Variants in ELOVL5 observed in about 807,000 individuals in gnomAD.
ELOVL5 encodes the protein very long chain fatty acid elongase 5.
In ELOVL5, 8 loss-of-function variants were observed where a neutral mutation model predicts 38.6. The observed-to-expected ratio is 0.21, with a 90% CI of 0.12 to 0.37. The LOEUF (loss-of-function observed/expected upper bound fraction) is 0.37. ELOVL5 is among the 10% of genes least tolerant of loss of function. The pLI is 1.00. For synonymous variants in ELOVL5, 127 were observed against 133.7 expected, an observed-to-expected ratio of 0.95 and a Z score of 0.34; for missense variants, 280 against 367.8, an observed-to-expected ratio of 0.76 and a Z score of 1.95.
intron 3 of ELOVL5, among the ~76,000 whole-genome samples, chr6:53,281,073 T>C (rs915093748): frequency 1.3e-5 from 2 of 152,128 alleles, no homozygotes; most frequent in African/African-American, 4.8e-5. Flanking sequence ...GAAAACATCA[T>C]CTTGGGTGGC....
chr6:53,330,689 T>C (rs897099718), intron 1 of ELOVL5, among the ~76,000 whole-genome samples: 2 of 152,048 alleles, frequency 1.3e-5, no homozygotes, highest in African/African-American at 4.8e-5. Context: ...TCATGAGTTT[T>C]ACAGACTTTT....
chr6:53,328,208 T>C (rs6458918), intron 1 of ELOVL5, among the ~76,000 whole-genome samples: 55,284 of 152,060 alleles, frequency 0.36, 11,164 homozygotes, highest in African/African-American at 0.55. Flanking sequence ...TAAACTGAAA[T>C]GAAAAACTAA....
intron 1 of ELOVL5, among the ~76,000 whole-genome samples, chr6:53,322,616 A>G (rs1160082517): frequency 1.3e-5 from 2 of 152,190 alleles, no homozygotes; most frequent in African/African-American, 4.8e-5. Flanking sequence ...ACAGCATAAA[A>G]CACAACAGCT....
rs1473112169 is a variant in ELOVL5 at position 53,348,796 on chromosome 6, TC to T, written c.-9+20del. The T allele has an allele frequency of 2.2e-6, 1 of 454,058 alleles. No homozygotes were observed. Among genetic ancestry groups the T allele is most frequent in the Non-Finnish European group, 4.4e-6 (1 of 226,200 alleles). The allele number at this position is 454,058 out of a possible 1,614,324, so 28.1% of individuals were successfully genotyped here. On this transcript the variant is annotated intron_variant, in intron 1 of 7. Coordinates refer to ENST00000304434, the MANE Select transcript of ELOVL5 (RefSeq NM_021814.5). ...CCGAGCGGCGGCCCCCGACGAAGTT[TC>T]CCGGAGCTGACGGCTTTACCTTTTA... is the stretch of plus-strand genomic sequence containing the variant.
intron 1 of ELOVL5, among the ~76,000 whole-genome samples, chr6:53,333,946 T>C (rs773763236): frequency 2.6e-5 from 4 of 152,176 alleles, no homozygotes; most frequent in Non-Finnish European, 5.9e-5. Context: ...TGATACCACG[T>C]TGCCTGTCTA....
At chr6:53,312,160 A>G (rs1051930720) in intron 1 of ELOVL5, among the ~76,000 whole-genome samples, 11 of 152,222 alleles carry the variant, frequency 7.2e-5, no homozygotes, top group African/African-American at 2.7e-4. Context: ...TAGGAATATA[A>G]TTAAATATCA....
intron 3 of ELOVL5, among the ~76,000 whole-genome samples, chr6:53,281,509 G>A (rs968303145): frequency 2.6e-5 from 4 of 152,170 alleles, no homozygotes; most frequent in Admixed American, 1.3e-4. Context: ...GCAGTTCCAA[G>A]CATCTTTGCC....
chr6:53,341,210 G>A (rs886530154), intron 1 of ELOVL5, among the ~76,000 whole-genome samples: 1 of 152,214 alleles, frequency 6.6e-6, no homozygotes, highest in African/African-American at 2.4e-5. Context: ...ACCCTTTCAA[G>A]TATTGATCAT....
intron 1 of ELOVL5, among the ~76,000 whole-genome samples, chr6:53,310,124 C>G (rs1767769474): frequency 6.6e-6 from 1 of 152,130 alleles, no homozygotes; most frequent in African/African-American, 2.4e-5. Context: ...AATTAAGGCA[C>G]CAATTACAAG....
chr6:53,279,427 G>T (rs1043408031), intron 3 of ELOVL5, among the ~76,000 whole-genome samples: 12 of 152,182 alleles, frequency 7.9e-5, no homozygotes, highest in Non-Finnish European at 1.3e-4. Flanking sequence ...GCAGTGACCT[G>T]TAGCTGTTTG....
At chr6:53,328,813 C>T (rs547586800) in intron 1 of ELOVL5, among the ~76,000 whole-genome samples, 2 of 152,226 alleles carry the variant, frequency 1.3e-5, no homozygotes, top group Admixed American at 1.3e-4. Flanking sequence ...TACACTGAGA[C>T]CTTAATCTCT....
intron 1 of ELOVL5, among the ~76,000 whole-genome samples, chr6:53,335,460 T>A (rs1452093041): frequency 1.3e-5 from 2 of 152,166 alleles, no homozygotes; most frequent in African/African-American, 4.8e-5. Flanking sequence ...TCCAGAGAGA[T>A]TCTTGCTTAG....
intron 1 of ELOVL5, among the ~76,000 whole-genome samples, chr6:53,324,936 A>AT (rs1768472130): frequency 6.6e-6 from 1 of 152,226 alleles, no homozygotes; most frequent in Non-Finnish European, 1.5e-5. Context: ...TATTGCATAA[A>AT]TAAGTACCCC....
chr6:53,347,820 C>CGT (rs2127597142), intron 1 of ELOVL5, among the ~76,000 whole-genome samples: 1 of 152,152 alleles, frequency 6.6e-6, no homozygotes, highest in African/African-American at 2.4e-5. Flanking sequence ...GTGGATGGGG[C>CGT]GGGGGGAACC....
intron 1 of ELOVL5, among the ~76,000 whole-genome samples, chr6:53,305,383 C>A (rs1311280718): frequency 9.0e-5 from 13 of 143,868 alleles, no homozygotes; most frequent in South Asian, 2.2e-4. Context: ...GGGGCTGACC[C>A]CCCCCCACCT....
chr6:53,291,841 A>G lies in ELOVL5; in HGVS notation c.181T>C (p.Cys61Arg). 2 of 1,614,098 alleles carry G rather than the reference A, an allele frequency of 1.2e-6. No individual in the cohort carries two copies. The highest frequency in any genetic ancestry group is 1.7e-6 in the Non-Finnish European group (2 of 1,179,964). ...TTATACACCACTAAAATCCCCCGGCAAGAGAATGGCTGTTTATTCCTCATG... is the reference window on the plus strand; with the variant it reads ...TTATACACCACTAAAATCCCCCGGCGAGAGAATGGCTGTTTATTCCTCATG... ...KYMRNKQPFS[C>R]RGILVVYNLG... Residue 61 changes from cysteine (C) to arginine (R), a missense_variant, in exon 3 of 8, where the codon TGC becomes CGC. Around this residue, in one of 3 missense-constraint regions of ELOVL5, gnomAD observed 150 missense variants for 178.0 expected, o/e 0.84. Transcript: ENST00000304434.
intron 1 of ELOVL5, among the ~76,000 whole-genome samples, chr6:53,302,603 GC>G (rs1485555878): frequency 6.6e-6 from 1 of 151,612 alleles, no homozygotes; most frequent in Admixed American, 6.7e-5. Context: ...GGATCTTAAG[GC>G]AAATCTGTTT....
intron 2 of ELOVL5, chr6:53,294,189 CT>C: frequency 6.8e-7 from 1 of 1,466,840 alleles, no homozygotes. Flanking sequence ...CCGCACAGTG[CT>C]TCCCGGGCAC....
rs557865542 is a variant in ELOVL5, at chr6:53,289,211, C to G, written c.246+2565G>C. On this transcript the variant is annotated intron_variant, in intron 3 of 7. Coordinates refer to ENST00000304434, the MANE Select transcript of ELOVL5 (RefSeq NM_021814.5). ...TACTTATTTAAAAAATTCTTTACAG[C>G]CCCAAATATGCAGATAAGCAGGAAG... Among the ~76,000 whole-genome samples the G allele has an allele frequency of 7.2e-5, 11 of 152,304 alleles. No homozygotes were observed. In the South Asian group the frequency reaches 2.1e-3, roughly 29 times the overall value.
Sources: gnomAD v4.1 joint callset for allele counts (sites outside exome capture counted in the v4.1 genomes callset) on GRCh38, gnomAD v4.1.1 for gene constraint, gnomAD v4.1.1 regional missense constraint, MANE v1.5 for transcripts, NCBI Gene and HGNC (gene_info 2026-07-23, HGNC 2026-07-21) for gene names.